NFASC: variants seen among roughly 807,000 people sequenced by gnomAD.
NFASC encodes neurofascin homolog.
In NFASC, 43 loss-of-function variants were observed where a neutral mutation model predicts 147.5. The ratio of observed to expected loss-of-function variants is 0.29; its 90% CI spans 0.23 to 0.38. NFASC has a LOEUF of 0.38. NFASC is among the 10% of genes least tolerant of loss of function. The pLI is 1.00. For synonymous variants in NFASC, 622 were observed against 665.5 expected (o/e 0.93, Z 1.01); for missense variants, 1,320 against 1,689.0 (o/e 0.78, Z 3.83).
At chr1:204,915,045 C>T (rs964975144) in intron 1 of NFASC, among the ~76,000 whole-genome samples, 4 of 152,074 alleles carry the variant, frequency 2.6e-5, no homozygotes, top group South Asian at 2.1e-4. Context: ...TTTGGGAGGC[C>T]GAGACAGGTG....
chr1:204,977,329 G>A (rs1456079974), intron 16 of NFASC, among the ~76,000 whole-genome samples: 1 of 152,176 alleles, frequency 6.6e-6, no homozygotes, highest in Admixed American at 6.5e-5. Context: ...AGAGGAAGGA[G>A]GCCTCTCCCT....
intron 8 of NFASC, chr1:204,967,954 A>AT: frequency 4.1e-6 from 1 of 241,068 alleles, no homozygotes. Context: ...CGCACTGCTC[A>AT]GACAGCCCCT....
At chr1:204,947,611 A>T (rs1335657332) in intron 3 of NFASC, among the ~76,000 whole-genome samples, 1 of 25,684 alleles carries the variant, frequency 3.9e-5, no homozygotes, top group Non-Finnish European at 8.2e-5. Context: ...CCTCCCACCC[A>T]TCCCCTCCCT....
chr1:205,011,207 A>C (rs1232687876), intron 28 of NFASC, among the ~76,000 whole-genome samples: 349 of 143,082 alleles, frequency 2.4e-3, no homozygotes, highest in Admixed American at 3.0e-3. Context: ...CTCCCCCAGG[A>C]CCCCCCCCAA....
rs1453259742 is a variant in NFASC, at chr1:204,928,344, C to T, written c.-91+7604C>T. 3.9e-5 allele frequency among the ~76,000 whole-genome samples: 6 copies of T among 152,270 alleles called. No homozygotes were observed. The East Asian group carries it at 9.7e-4, about 25-fold the overall frequency. On this transcript the variant is annotated intron_variant, in intron 2 of 29. Coordinates refer to ENST00000339876, the MANE Select transcript of NFASC (RefSeq NM_001005388.3). ...GAAAAACCCCACAGCCCCAAAGACCCGTAGAAAGCTGGCTGGATTGTAGAG... is the reference window on the plus strand; with the variant it reads ...GAAAAACCCCACAGCCCCAAAGACCTGTAGAAAGCTGGCTGGATTGTAGAG...
chr1:204,882,236 A>G (rs2080392026), intron 1 of NFASC, among the ~76,000 whole-genome samples: 1 of 152,068 alleles, frequency 6.6e-6, no homozygotes, highest in Non-Finnish European at 1.5e-5. Flanking sequence ...ACCCCTGGCC[A>G]TGCCTTCCTT....
chr1:205,014,043 C>T (rs1276447272), intron 29 of NFASC, among the ~76,000 whole-genome samples: 6 of 152,228 alleles, frequency 3.9e-5, no homozygotes, highest in Non-Finnish European at 8.8e-5. Context: ...TGGGCTGAGA[C>T]TTCCCTGGCT....
chr1:204,874,230 C>T (rs1354633327), intron 1 of NFASC, among the ~76,000 whole-genome samples: 6 of 152,158 alleles, frequency 3.9e-5, no homozygotes, highest in Admixed American at 6.5e-5. Context: ...TGTCTCCTGC[C>T]GCTGGGCTTG....
rs1215278134 is a variant in NFASC at position 205,015,690 on chromosome 1, C to A, written c.3492-618C>A. Among the ~76,000 whole-genome samples the A allele has an allele frequency of 6.6e-6, 1 of 152,108 alleles. No homozygotes were observed. On this transcript the variant is annotated intron_variant, in intron 29 of 29. Transcript: ENST00000339876. The surrounding 1 kb of genome is among the most constrained non-coding windows in gnomAD (Gnocchi z 4.0). ...TGCCCCCCCACCACCACCACTCTTG[C>A]GCACCTGTGCTTGCTAGGCCCAAAG...
In NFASC at chr1:205,016,842, C is replaced by G. The variant is rs972896951; in HGVS notation, c.*303C>G. On this transcript the variant is annotated 3_prime_UTR_variant, in exon 30 of 30. Coordinates refer to ENST00000339876, the MANE Select transcript of NFASC (RefSeq NM_001005388.3). This position sits in a 1 kb window ranked among gnomAD's most constrained non-coding sequence, Gnocchi z 5.1. ...ACCCCGAGCGTTCCACCACACTGTC[C>G]GCCCTTGGCCTCGGCACACGCTCAC... 2.6e-5 allele frequency: 12 copies of G among 467,666 alleles called. No individual in the cohort carries two copies. Among genetic ancestry groups the G allele is most frequent in the Non-Finnish European group, 4.8e-5 (12 of 251,830 alleles). The allele number at this position is 467,666 out of a possible 1,614,324, so 29.0% of individuals were successfully genotyped here.
chr1:204,897,056 C>T (rs187810650), intron 1 of NFASC, among the ~76,000 whole-genome samples: 1 of 151,788 alleles, frequency 6.6e-6, no homozygotes, highest in Non-Finnish European at 1.5e-5. Context: ...AGGTTCCCCC[C>T]CTTCCCCCCG....
chr1:204,985,359 T>C (rs988029188), intron 21 of NFASC, among the ~76,000 whole-genome samples: 3 of 152,208 alleles, frequency 2.0e-5, no homozygotes, highest in African/African-American at 7.2e-5. Flanking sequence ...CTAAAGATCT[T>C]CCAACAATAT....
chr1:205,011,953 C>T (rs1037498414), intron 28 of NFASC, among the ~76,000 whole-genome samples: 2 of 152,178 alleles, frequency 1.3e-5, no homozygotes, highest in Admixed American at 6.5e-5. Context: ...GTGGCAGGCG[C>T]CTATAATCCC....
chr1:204,948,501 T>G (rs1339312867), intron 3 of NFASC: 5 of 466,458 alleles, frequency 1.1e-5, no homozygotes, highest in Non-Finnish European at 2.1e-5. Flanking sequence ...TCACTCACCC[T>G]TCTCCAGAAT....
intron 1 of NFASC, among the ~76,000 whole-genome samples, chr1:204,876,990 AAATATG>A (rs1366324916): frequency 1.4e-5 from 1 of 72,232 alleles, no homozygotes; most frequent in Non-Finnish European, 2.3e-5. Flanking sequence ...TGAGTTGGCT[AAATATG>A]TATATATATA....
In NFASC at chr1:204,882,108, AAG is replaced by A. The variant is rs1477928388; in HGVS notation, c.-199-38522_-199-38521del. Reference sequence around the variant, plus strand: ...GAGCCCAATCTCTCTCCCCGACTGAAAGACCCTATTGCAGTGCTCCCTGCACC... The same window carrying A: ...GAGCCCAATCTCTCTCCCCGACTGAAACCCTATTGCAGTGCTCCCTGCACC... On this transcript the variant is annotated intron_variant, in intron 1 of 29. Coordinates refer to ENST00000339876, the MANE Select transcript of NFASC (RefSeq NM_001005388.3). Among the ~76,000 whole-genome samples, 7 of 152,118 alleles carry A rather than the reference AAG, an allele frequency of 4.6e-5. No homozygotes were observed. The South Asian group carries it at 1.2e-3, about 27-fold the overall frequency.
intron 1 of NFASC, among the ~76,000 whole-genome samples, chr1:204,896,281 A>G (rs941495396): frequency 1.3e-5 from 2 of 152,200 alleles, no homozygotes; most frequent in Admixed American, 6.5e-5. Flanking sequence ...TTAGACTGGC[A>G]TTTAGACGGG....
rs1029453130 is a variant in NFASC at position 204,959,167 on chromosome 1, T to G, written c.706+1341T>G. Among the ~76,000 whole-genome samples, 3 of 152,120 alleles carry G rather than the reference T, an allele frequency of 2.0e-5. No individual in the cohort carries two copies. In the South Asian group the frequency reaches 6.2e-4, roughly 32 times the overall value. On this transcript the variant is annotated intron_variant, in intron 8 of 29. Coordinates refer to ENST00000339876, the MANE Select transcript of NFASC (RefSeq NM_001005388.3). The stretch of plus-strand genomic sequence containing the variant: ...TCTTTCTTCTTTTCCATCTCTCTGT[T>G]CTGTCTTGGAACTCCATTCTGCCCT...
At chr1:204,967,690 C>A (rs12128135) in intron 8 of NFASC, among the ~76,000 whole-genome samples, 3,213 of 152,160 alleles carry the variant, frequency 0.021, 55 homozygotes, top group Non-Finnish European at 0.036. Flanking sequence ...TGTTCATTAA[C>A]TCTCTCCATG....
Sources: allele counts gnomAD v4.1 joint callset (sites outside exome capture counted in the v4.1 genomes callset), GRCh38; gene constraint gnomAD v4.1.1; non-coding constraint Gnocchi (gnomAD v3.1); transcripts MANE v1.5; gene names NCBI Gene and HGNC (gene_info 2026-07-23, HGNC 2026-07-21).